The following MRS2 variants were observed in gnomAD, a reference collection of about 807,000 sequenced individuals.
MRS2 encodes the protein magnesium transporter MRS2.
A neutral mutation model predicts 52.6 loss-of-function variants in MRS2; 40 were observed. That is an observed-to-expected ratio of 0.76 (90% CI 0.59 to 0.99). The LOEUF is 0.99. MRS2 is among the 50% of genes least tolerant of loss of function. The probability of loss-of-function intolerance (pLI) is 0.00; values close to 1 mark genes in which losing one functional copy is unlikely to be tolerated. For missense variants in MRS2, 472 were observed against 532.7 expected (o/e 0.89, Z 1.12); for synonymous variants, 193 against 195.9 (o/e 0.98, Z 0.13).
chr6:24,416,554 T>G (rs1761857059), intron 7 of MRS2, 41 bp downstream of exon 7: 4 of 1,061,270 alleles, frequency 3.8e-6, no homozygotes, highest in African/African-American at 1.6e-5. Context: ...TTCCTTAGAG[T>G]AAATCTTTTG....
chr6:24,415,360 G>A lies in MRS2; in HGVS notation c.719+197G>A, dbSNP rs114396181. On this transcript the variant is annotated intron_variant, in intron 6 of 10. Coordinates refer to ENST00000378386, the MANE Select transcript of MRS2 (RefSeq NM_020662.4). ...TCATGTAAGGCTCTTTTCCGTATGT[G>A]ATCTCATCTCATCACCCATTCAATA... Among the ~76,000 whole-genome samples the A allele has an allele frequency of 6.6e-3, 1,004 of 152,256 alleles. 9 individuals carry two copies. Among genetic ancestry groups the A allele is most frequent in the Middle Eastern group, 0.027 (8 of 294 alleles).
chr6:24,411,166 G>T (rs1490080018), intron 4 of MRS2, among the ~76,000 whole-genome samples: 4 of 151,106 alleles, frequency 2.6e-5, no homozygotes, highest in African/African-American at 9.7e-5. Context: ...CTCCAGCCTG[G>T]GTGACAGAGC....
rs1355065322 is a variant in MRS2, at chr6:24,423,729, GTAGT to G, written c.*38_*41del. ...CGTGGATACTGAAGTTTTTTTTATG[GTAGT>G]TACAGGAAACTTCTGATACTCTTTT... On this transcript the variant is annotated 3_prime_UTR_variant, in exon 11 of 11. Transcript: ENST00000378386. 1 of 1,031,146 alleles carries G rather than the reference GTAGT, an allele frequency of 9.7e-7. No homozygotes were observed. Among genetic ancestry groups the G allele is most frequent in the South Asian group, 1.6e-5 (1 of 63,648 alleles). 63.9% of individuals were successfully genotyped at this position (1,031,146 alleles called of 1,614,324 possible).
chr6:24,422,040 T>C (rs1762058079), intron 9 of MRS2, among the ~76,000 whole-genome samples: 1 of 148,444 alleles, frequency 6.7e-6, no homozygotes, highest in Non-Finnish European at 1.5e-5. Context: ...TCCCAGCTAC[T>C]CAGGGGGGCC....
At chr6:24,418,017 G>T in intron 7 of MRS2, 67 bp from the exon 8 acceptor site, 1 of 1,358,866 alleles carries the variant, frequency 7.4e-7, no homozygotes. Context: ...AATTTAGGAA[G>T]TTTTTGTCAC....
chr6:24,406,164 C>T (rs933105863), intron 2 of MRS2, among the ~76,000 whole-genome samples: 2 of 151,138 alleles, frequency 1.3e-5, no homozygotes, highest in Non-Finnish European at 2.9e-5. Flanking sequence ...TCCAATCTCA[C>T]TCTGCCTCTT....
intron 5 of MRS2, 72 bp downstream of exon 5, chr6:24,412,467 G>T: frequency 3.1e-6 from 4 of 1,286,550 alleles, no homozygotes. Flanking sequence ...AAGACAAGTT[G>T]GGGTATTGTT....
At chr6:24,416,753 A>C (rs746417189) in intron 7 of MRS2, among the ~76,000 whole-genome samples, 2 of 152,200 alleles carry the variant, frequency 1.3e-5, no homozygotes, top group Non-Finnish European at 2.9e-5. Flanking sequence ...ACACACAGTT[A>C]CCTTTATATT....
chr6:24,418,347 A>T, intron 8 of MRS2, 111 bp downstream of exon 8: 1 of 1,509,092 alleles, frequency 6.6e-7, no homozygotes, highest in Non-Finnish European at 8.8e-7. Flanking sequence ...ATACTACATT[A>T]TTATTATTTT....
intron 4 of MRS2, among the ~76,000 whole-genome samples, chr6:24,411,216 A>T (rs1426987347): frequency 2.6e-5 from 4 of 151,850 alleles, no homozygotes; most frequent in Admixed American, 2.6e-4. Context: ...AAAAAAATTC[A>T]TGATAGAATG....
chr6:24,409,427 T>C, intron 3 of MRS2, 34 bp from the exon 4 acceptor site: 1 of 1,319,140 alleles, frequency 7.6e-7, no homozygotes, highest in Non-Finnish European at 1.1e-6. Context: ...TTTAATGTAT[T>C]TGGTTTAGCC....
intron 2 of MRS2, among the ~76,000 whole-genome samples, chr6:24,405,615 G>GT (rs1405012645): frequency 1.3e-5 from 2 of 151,428 alleles, no homozygotes; most frequent in Non-Finnish European, 2.9e-5. Flanking sequence ...CTCTGAAATG[G>GT]TTCGGGGGTG....
chr6:24,405,089 C>A, intron 1 of MRS2, 79 bp from the exon 2 acceptor site: 1 of 982,742 alleles, frequency 1.0e-6, no homozygotes, highest in Non-Finnish European at 1.6e-6. Context: ...AAGGCCTCCA[C>A]ATACTTTGAG....
intron 1 of MRS2, among the ~76,000 whole-genome samples, chr6:24,403,542 G>C (rs1273774128): frequency 6.6e-6 from 1 of 152,216 alleles, no homozygotes; most frequent in African/African-American, 2.4e-5. Context: ...TACAGACCGT[G>C]ATCACGTTAG....
chr6:24,416,323 C>T, intron 6 of MRS2, 74 bp from the exon 7 acceptor site: 1 of 628,908 alleles, frequency 1.6e-6, no homozygotes, highest in Non-Finnish European at 2.8e-6. Context: ...TGATAAGATA[C>T]TCTAAAAACA....
rs973156780 is a variant in MRS2, at chr6:24,425,283, G to A, written c.*1589G>A. On this transcript the variant is annotated 3_prime_UTR_variant, in exon 11 of 11. Transcript: ENST00000378386. ...GACATGAAGAATTGGAATCCCAGAG[G>A]GCAACATTTGATTTGACTAAGATCA... The A allele has an allele frequency of 2.0e-5, 3 of 152,080 alleles. No individual in the cohort carries two copies. Among genetic ancestry groups the A allele is most frequent in the African/African-American group, 7.2e-5 (3 of 41,398 alleles). 9.4% of individuals were successfully genotyped at this position (152,080 alleles called of 1,614,324 possible). A position where few individuals can be genotyped will look rare whatever the true frequency, so the allele number is the denominator to read the frequency against.
At position 24,412,203 on chromosome 6, in the gene MRS2, G is replaced by GTTTT. The variant is rs76582568; in HGVS notation, c.415-9_415-6dup. 282 of 1,220,338 alleles carry GTTTT rather than the reference G, an allele frequency of 2.3e-4. No homozygotes were observed. Among genetic ancestry groups the GTTTT allele is most frequent in the South Asian group, 9.6e-4 (60 of 62,474 alleles). The allele number at this position is 1,220,338 out of a possible 1,614,324, so 75.6% of individuals were successfully genotyped here. The stretch of plus-strand genomic sequence containing the variant: ...TACACTCACATATTTATATGTTTTG[G>GTTTT]TTTTTTTTTTTTTAACAGTATTTGA... On this transcript the variant is annotated intron_variant, in intron 4 of 10. Coordinates refer to ENST00000378386, the MANE Select transcript of MRS2 (RefSeq NM_020662.4).
chr6:24,402,947 A>C lies in MRS2; in HGVS notation c.-100A>C. The C allele has an allele frequency of 2.7e-6, 3 of 1,131,510 alleles. No homozygotes were observed. The highest frequency in any genetic ancestry group is 2.5e-5 in the East Asian group (1 of 39,376). 70.1% of individuals were successfully genotyped at this position (1,131,510 alleles called of 1,614,324 possible). On this transcript the variant is annotated 5_prime_UTR_variant, in exon 1 of 11. Coordinates refer to ENST00000378386, the MANE Select transcript of MRS2 (RefSeq NM_020662.4). ...CGCATGCCTGGTGCACAGAGTCTGC[A>C]GGTCGGGCGGTAGCGACAGGTCAGA...
chr6:24,415,186 A>G (rs762535403), intron 6 of MRS2, 23 bp downstream of exon 6: 1 of 1,512,414 alleles, frequency 6.6e-7, no homozygotes. Context: ...GATGTATCAC[A>G]TTGGGAGTTG....
Sources: allele counts gnomAD v4.1 joint callset (sites outside exome capture counted in the v4.1 genomes callset), GRCh38; gene constraint gnomAD v4.1.1; transcripts MANE v1.5; gene names NCBI Gene and HGNC (gene_info 2026-07-23, HGNC 2026-07-21).